The following ONECUT3 variants were observed in gnomAD, a reference collection of about 807,000 sequenced individuals.
ONECUT3 encodes the protein one cut domain family member 3.
Under a neutral mutation model 16.8 loss-of-function variants are expected in ONECUT3, and 11 were observed. The observed-to-expected ratio is 0.66, with a 90% CI of 0.41 to 1.09. The LOEUF (loss-of-function observed/expected upper bound fraction) is 1.09. ONECUT3 is among the 50% of genes least tolerant of loss of function. The probability of loss-of-function intolerance (pLI) is 0.00; values close to 1 mark genes in which losing one functional copy is unlikely to be tolerated. For missense variants in ONECUT3, 637 were observed against 629.9 expected, an observed-to-expected ratio of 1.01 and a Z score of -0.12; for synonymous variants, 344 against 310.7, an observed-to-expected ratio of 1.11 and a Z score of -1.13.
Position 1,754,211 on chromosome 19 carries a change from C to T in ONECUT3, c.549C>T (p.His183=). Residue 183 remains histidine, a synonymous_variant, in exon 1 of 2, where the codon CAC becomes CAT. Coordinates refer to ENST00000382349, the MANE Select transcript of ONECUT3 (RefSeq NM_001080488.2). The surrounding 1 kb of genome is among the most constrained non-coding windows in gnomAD (Gnocchi z 7.4). ...DERAALASVG[H]LYGPYGKELP... The stretch of plus-strand genomic sequence containing the variant: ...GGGCGGCGCTCGCCTCCGTGGGCCA[C>T]CTCTACGGACCCTACGGCAAGGAGC... 8.7e-7 allele frequency: 1 copy of T among 1,145,006 alleles called. No individual in the cohort carries two copies. Among genetic ancestry groups the T allele is most frequent in the South Asian group, 2.2e-5 (1 of 44,484 alleles). The allele number at this position is 1,145,006 out of a possible 1,614,324, so 70.9% of individuals were successfully genotyped here.
chr19:1,754,703 G>A lies in ONECUT3; in HGVS notation c.1041G>A (p.Arg347=). ...YSIPQAIFAQ[R]ILCRSQGTLS... is the part of the protein sequence containing the mutation. ...TCCCGCAGGCAATCTTCGCGCAGCG[G>A]ATCCTGTGTCGCTCTCAGGGCACGC... Residue 347 remains arginine, a synonymous_variant, in exon 1 of 2, where the codon CGG becomes CGA. Coordinates refer to ENST00000382349, the MANE Select transcript of ONECUT3 (RefSeq NM_001080488.2). The surrounding 1 kb of genome is among the most constrained non-coding windows in gnomAD (Gnocchi z 7.4). The A allele has an allele frequency of 1.3e-6, 2 of 1,540,396 alleles. No homozygotes were observed. The highest frequency in any genetic ancestry group is 2.4e-5 in the South Asian group (2 of 81,806).
intron 1 of ONECUT3, 27 bp from the exon 2 acceptor site, chr19:1,775,126 G>GGGCCGCC: frequency 8.7e-7 from 1 of 1,143,894 alleles, no homozygotes; most frequent in Non-Finnish European, 1.2e-6. Flanking sequence ...TGTCCCGCTC[G>GGGCCGCC]CCCGCCCGCC....
Position 1,754,308 on chromosome 19 carries a change from C to G in ONECUT3, c.646C>G (p.Pro216Ala). 4 of 1,052,374 alleles carry G rather than the reference C, an allele frequency of 3.8e-6. No individual in the cohort carries two copies. Among genetic ancestry groups the G allele is most frequent in the Non-Finnish European group, 4.6e-6 (4 of 878,698 alleles). The allele number at this position is 1,052,374 out of a possible 1,614,324, so 65.2% of individuals were successfully genotyped here. The change falls in exon 1 of 2, where the codon CCC becomes GCC. Residue 216 changes from proline to alanine, a missense_variant. Pro to Ala is a conservative substitution (Grantham distance 27, BLOSUM62 -1). Around this residue, in one of 3 missense-constraint regions of ONECUT3, gnomAD observed 419 missense variants for 377.9 expected, o/e 1.11. Transcript: ENST00000382349. The surrounding 1 kb of genome is among the most constrained non-coding windows in gnomAD (Gnocchi z 7.4). ...GCCCGCGCTGCACGGCGCCCCGCAG[C>G]CCCCGCCGCCGCCACCACCCCCGCC... is the stretch of plus-strand genomic sequence containing the variant. ...LPPALHGAPQPPPPPPPPPLA... is the reference protein window; with the variant it reads ...LPPALHGAPQAPPPPPPPPLA...
chr19:1,759,306 C>T lies in ONECUT3; in HGVS notation c.1192+4452C>T, dbSNP rs1178530988. Among the ~76,000 whole-genome samples, 1 of 152,056 alleles carries T rather than the reference C, an allele frequency of 6.6e-6. No homozygotes were observed. Among genetic ancestry groups the T allele is most frequent in the Admixed American group, 6.5e-5 (1 of 15,276 alleles). On this transcript the variant is annotated intron_variant, in intron 1 of 1. Transcript: ENST00000382349. The surrounding 1 kb of genome is among the most constrained non-coding windows in gnomAD (Gnocchi z 4.1). ...GCAGAACCTCTTCCCCACCCAGGCT[C>T]ATACAGGCCCTCCCTCCCCGGCTTC...
intron 1 of ONECUT3, among the ~76,000 whole-genome samples, chr19:1,771,411 G>A (rs886653093): frequency 1.3e-5 from 2 of 152,126 alleles, no homozygotes; most frequent in East Asian, 1.9e-4. Flanking sequence ...TTGAACATCC[G>A]ATTATATCTT....
chr19:1,768,522 G>T lies in ONECUT3; in HGVS notation c.1193-6631G>T, dbSNP rs529790484. 3.3e-5 allele frequency among the ~76,000 whole-genome samples: 5 copies of T among 152,282 alleles called. No homozygotes were observed. The East Asian group carries it at 9.6e-4, about 29-fold the overall frequency. On this transcript the variant is annotated intron_variant, in intron 1 of 1. Coordinates refer to ENST00000382349, the MANE Select transcript of ONECUT3 (RefSeq NM_001080488.2). ...TGAGGCCTCCAAGGGAATGGGACTC[G>T]CCTGGGGTCCCAGAGCAAGCTTGAC...
intron 1 of ONECUT3, among the ~76,000 whole-genome samples, chr19:1,768,937 GGAGGTA>G (rs1309788778): frequency 1.3e-5 from 2 of 152,024 alleles, no homozygotes; most frequent in Non-Finnish European, 2.9e-5. Flanking sequence ...TGAAGGTGGA[GGAGGTA>G]GAGGTAGAGG....
At chr19:1,756,520 C>T (rs1237335461) in intron 1 of ONECUT3, among the ~76,000 whole-genome samples, 1 of 151,938 alleles carries the variant, frequency 6.6e-6, no homozygotes, top group Non-Finnish European at 1.5e-5. Flanking sequence ...GCAGAGGGCA[C>T]ACCCCTGGCA....
rs568055250 is a variant in ONECUT3, at chr19:1,759,627, C to G, written c.1192+4773C>G. On this transcript the variant is annotated intron_variant, in intron 1 of 1. Transcript: ENST00000382349. This position sits in a 1 kb window ranked among gnomAD's most constrained non-coding sequence, Gnocchi z 4.1. ...CACCCCCAGAAAAATATGCCCCACG[C>G]CACTAGACAGTAGAGATAACCAAGG... 6.6e-6 allele frequency among the ~76,000 whole-genome samples: 1 copy of G among 152,352 alleles called. No individual in the cohort carries two copies. The highest frequency in any genetic ancestry group is 2.1e-4 in the South Asian group (1 of 4,830).
intron 1 of ONECUT3, among the ~76,000 whole-genome samples, chr19:1,767,370 C>A (rs2068001816): frequency 6.6e-6 from 1 of 152,034 alleles, no homozygotes; most frequent in Non-Finnish European, 1.5e-5. Flanking sequence ...TGGTCCAACA[C>A]CAGGCAGGGC....
intron 1 of ONECUT3, among the ~76,000 whole-genome samples, chr19:1,770,265 GTTTT>G (rs995835151): frequency 2.0e-5 from 3 of 151,988 alleles, no homozygotes; most frequent in East Asian, 1.9e-4. Flanking sequence ...GTTTGTGGGG[GTTTT>G]TTGTTTTTTG....
chr19:1,773,929 G>A (rs1207754700), intron 1 of ONECUT3, among the ~76,000 whole-genome samples: 2 of 152,128 alleles, frequency 1.3e-5, no homozygotes, highest in Non-Finnish European at 1.5e-5. Context: ...CCATCACCCC[G>A]AGCCTTTGCT....
intron 1 of ONECUT3, among the ~76,000 whole-genome samples, chr19:1,769,169 G>A (rs1329406064): frequency 6.7e-6 from 1 of 150,020 alleles, no homozygotes; most frequent in Non-Finnish European, 1.5e-5. Flanking sequence ...GGTGAAGGAA[G>A]AGGTGCTGGA....
chr19:1,763,974 A>G (rs1253922835), intron 1 of ONECUT3, among the ~76,000 whole-genome samples: 1 of 151,672 alleles, frequency 6.6e-6, no homozygotes, highest in East Asian at 1.9e-4. Context: ...TCATTTTACG[A>G]GTGTGAGTTT....
rs1270304976 is a variant in ONECUT3 at position 1,764,678 on chromosome 19, C to T, written c.1192+9824C>T. ...CTCCCACCCATGGGAATCAATTTTC[C>T]AGCTCCCCGAGGGGTGCAGGGTGTA... On this transcript the variant is annotated intron_variant, in intron 1 of 1. Transcript: ENST00000382349. The surrounding 1 kb of genome is among the most constrained non-coding windows in gnomAD (Gnocchi z 5.0). Among the ~76,000 whole-genome samples the T allele has an allele frequency of 7.2e-5, 11 of 152,206 alleles. No individual in the cohort carries two copies.
intron 1 of ONECUT3, among the ~76,000 whole-genome samples, chr19:1,761,521 G>T (rs1315272043): frequency 6.6e-6 from 1 of 152,232 alleles, no homozygotes; most frequent in Non-Finnish European, 1.5e-5. Context: ...CTCCTGCGTG[G>T]ATGTGGGAGG....
rs2068136657 is a variant in ONECUT3, at chr19:1,779,232, G to T, written c.*3787G>T. ...TTAAATTATAATTTTGCAGACGATG[G>T]CATGTCGTTTCTTTGACGAGTTCCG... On this transcript the variant is annotated 3_prime_UTR_variant, in exon 2 of 2. Transcript: ENST00000382349. 6.6e-6 allele frequency: 1 copy of T among 152,192 alleles called. No homozygotes were observed. The highest frequency in any genetic ancestry group is 2.1e-4 in the South Asian group (1 of 4,828). 9.4% of individuals were successfully genotyped at this position (152,192 alleles called of 1,614,324 possible). A position where few individuals can be genotyped will look rare whatever the true frequency, so the allele number is the denominator to read the frequency against.
chr19:1,774,074 T>C (rs1211829012), intron 1 of ONECUT3, among the ~76,000 whole-genome samples: 3 of 152,000 alleles, frequency 2.0e-5, no homozygotes, highest in Admixed American at 6.6e-5. Flanking sequence ...CCCTGCACTC[T>C]CCCCTCCTCC....
At chr19:1,765,582 C>T (rs949988353) in intron 1 of ONECUT3, among the ~76,000 whole-genome samples, 1 of 152,216 alleles carries the variant, frequency 6.6e-6, no homozygotes, top group Non-Finnish European at 1.5e-5. Context: ...GGAGCTGCCT[C>T]TCTCTGGCCT....
Sources: gnomAD v4.1 joint callset for allele counts (sites outside exome capture counted in the v4.1 genomes callset) on GRCh38, gnomAD v4.1.1 for gene constraint, gnomAD v4.1.1 regional missense constraint, Gnocchi (gnomAD v3.1) non-coding constraint, MANE v1.5 for transcripts, NCBI Gene and HGNC (gene_info 2026-07-23, HGNC 2026-07-21) for gene names.